DNAH8: variants seen among roughly 807,000 people sequenced by gnomAD.
DNAH8 encodes the protein dynein axonemal heavy chain 8.
A neutral mutation model predicts 562.1 loss-of-function variants in DNAH8; 382 were observed. That is an observed-to-expected ratio of 0.68 (90% CI 0.63 to 0.74). The LOEUF (loss-of-function observed/expected upper bound fraction) is 0.74, where lower values mean the gene tolerates loss of function less well. DNAH8 is among the 30% of genes least tolerant of loss of function. The pLI is 0.00. For synonymous variants in DNAH8, 1,881 were observed against 1,919.4 expected, an observed-to-expected ratio of 0.98 and a Z score of 0.52; for missense variants, 5,203 against 5,620.4, an observed-to-expected ratio of 0.93 and a Z score of 2.37.
chr6:38,979,158 C>T (rs114391929), intron 85 of DNAH8, among the ~76,000 whole-genome samples: 1,657 of 152,320 alleles, frequency 0.011, 13 homozygotes, highest in Non-Finnish European at 0.017. Context: ...TTCTCTCCTC[C>T]TTGTAAAGAC....
At chr6:38,869,213 C>A (rs1777284094) in intron 48 of DNAH8, among the ~76,000 whole-genome samples, 1 of 152,148 alleles carries the variant, frequency 6.6e-6, no homozygotes, top group Admixed American at 6.5e-5. Context: ...GGATGGCTAG[C>A]TTGTTTATTG....
At chr6:39,007,258 G>A (rs905425525) in intron 88 of DNAH8, among the ~76,000 whole-genome samples, 1 of 152,108 alleles carries the variant, frequency 6.6e-6, no homozygotes, top group Non-Finnish European at 1.5e-5. Flanking sequence ...GTGTAGAATT[G>A]CTATATTAAA....
At chr6:38,935,836 C>A in intron 77 of DNAH8, 139 bp downstream of exon 77, 1 of 596,876 alleles carries the variant, frequency 1.7e-6, no homozygotes, top group Non-Finnish European at 2.8e-6. Flanking sequence ...CAATTTCCAT[C>A]TAGACATTAA....
intron 18 of DNAH8, among the ~76,000 whole-genome samples, chr6:38,789,591 A>G (rs1333960849): frequency 1.3e-5 from 2 of 152,210 alleles, no homozygotes; most frequent in Non-Finnish European, 2.9e-5. Flanking sequence ...ATGAAGATGT[A>G]GAAATTGCTA....
intron 62 of DNAH8, 126 bp from the exon 63 acceptor site, chr6:38,906,128 C>T (rs1182258794): frequency 1.0e-5 from 5 of 480,894 alleles, no homozygotes; most frequent in Non-Finnish European, 1.5e-5. Flanking sequence ...AGGATGGTCT[C>T]GATCTCCTGA....
At chr6:38,973,940 T>C in intron 84 of DNAH8, 127 bp downstream of exon 84, 1 of 609,548 alleles carries the variant, frequency 1.6e-6, no homozygotes, top group Non-Finnish European at 2.7e-6. Flanking sequence ...GATCTTATAC[T>C]ATAATACTAT....
intron 8 of DNAH8, among the ~76,000 whole-genome samples, chr6:38,749,978 G>A (rs1307285066): frequency 2.6e-5 from 4 of 152,134 alleles, no homozygotes; most frequent in Admixed American, 6.5e-5. Context: ...GCCTACAGGC[G>A]CCCGCCGCCA....
Position 38,872,875 on chromosome 6 carries a change from A to G in DNAH8, c.7238-31A>G, listed in dbSNP as rs753003361. On this transcript the variant is annotated intron_variant, in intron 50 of 92. Transcript: ENST00000327475. ...TTTCCATTTTAATTACTTGCAAGTGAAAAGTGATTTTCTGTTTTAATTATT... is the reference window on the plus strand; with the variant it reads ...TTTCCATTTTAATTACTTGCAAGTGGAAAGTGATTTTCTGTTTTAATTATT... 1.9e-6 allele frequency: 3 copies of G among 1,608,436 alleles called. No homozygotes were observed. The Admixed American group carries it at 5.1e-5, about 27-fold the overall frequency.
chr6:38,716,218 C>A (rs1284500404), intron 1 of DNAH8, among the ~76,000 whole-genome samples: 2 of 151,392 alleles, frequency 1.3e-5, no homozygotes, highest in Non-Finnish European at 2.9e-5. Flanking sequence ...ACCTCGGCCT[C>A]CCAAAGTGCT....
intron 21 of DNAH8, among the ~76,000 whole-genome samples, chr6:38,800,293 A>G (rs1583038402): frequency 6.6e-6 from 1 of 151,562 alleles, no homozygotes; most frequent in African/African-American, 2.4e-5. Context: ...TCCCAACTCC[A>G]TGTTATACTC....
chr6:38,985,236 A>C (rs984129780), intron 87 of DNAH8, among the ~76,000 whole-genome samples: 8 of 152,230 alleles, frequency 5.3e-5, no homozygotes, highest in Admixed American at 6.5e-5. Flanking sequence ...TGTAATAAAT[A>C]ACACCTACCA....
At position 38,939,594 on chromosome 6, in the gene DNAH8, G is replaced by A. The variant is rs188269884; in HGVS notation, c.12007+606G>A. 1.4e-3 allele frequency among the ~76,000 whole-genome samples: 207 copies of A among 152,328 alleles called. 1 individual carries two copies. Among genetic ancestry groups the A allele is most frequent in the African/African-American group, 4.7e-3 (197 of 41,574 alleles). On this transcript the variant is annotated intron_variant, in intron 79 of 92. Transcript: ENST00000327475. ...TAATTTAAAAATAACTCCAAAGTAA[G>A]GCAGAATCACCTAAGTGCTATAAGA...
At chr6:38,729,726 A>T (rs139315945) in intron 3 of DNAH8, among the ~76,000 whole-genome samples, 176 bp from the exon 4 acceptor site, 2 of 152,340 alleles carry the variant, frequency 1.3e-5, no homozygotes, top group African/African-American at 4.8e-5. Flanking sequence ...TAGGTTCAGA[A>T]ATATAATTCA....
chr6:38,932,487 G>C (rs900523873), intron 76 of DNAH8, among the ~76,000 whole-genome samples: 1 of 151,974 alleles, frequency 6.6e-6, no homozygotes, highest in Non-Finnish European at 1.5e-5. Flanking sequence ...ATAAAACAAA[G>C]AACAACTTAG....
At chr6:38,849,633 A>G (rs891645902) in intron 37 of DNAH8, among the ~76,000 whole-genome samples, 3 of 149,518 alleles carry the variant, frequency 2.0e-5, no homozygotes, top group Non-Finnish European at 4.5e-5. Context: ...TTAAAACATT[A>G]AACTGAAATG....
chr6:38,725,332 A>ATAATAATAATAG (rs2127568362), intron 3 of DNAH8, among the ~76,000 whole-genome samples: 1 of 149,152 alleles, frequency 6.7e-6, no homozygotes, highest in South Asian at 2.1e-4. Flanking sequence ...AATAATAATA[A>ATAATAATAATAG]TAATAAAGAG....
chr6:38,949,194 G>A (rs1056715689), intron 80 of DNAH8, among the ~76,000 whole-genome samples: 6 of 152,144 alleles, frequency 3.9e-5, no homozygotes, highest in Non-Finnish European at 7.3e-5. Context: ...TGTTTCTTCT[G>A]GCCCAATCAT....
Position 38,938,038 on chromosome 6 carries a change from G to T in DNAH8, c.11628G>T (p.Glu3876Asp), listed in dbSNP as rs774173621. 6.2e-7 allele frequency: 1 copy of T among 1,613,934 alleles called. No homozygotes were observed. Among genetic ancestry groups the T allele is most frequent in the Non-Finnish European group, 8.5e-7 (1 of 1,180,020 alleles). Residue 3876 changes from glutamate to aspartate, a missense_variant, in exon 78 of 93, where the codon GAG becomes GAT. Coordinates refer to ENST00000327475, the MANE Select transcript of DNAH8 (RefSeq NM_001206927.2). The stretch of plus-strand genomic sequence containing the variant: ...GAACTACCAAGCAGACAGCAGCTGA[G>T]GTAAGTGAAAAGTTGCATGTGGCTG... ...VLRTTKQTAA[E>D]VSEKLHVAAE...
At chr6:38,860,356 A>G in intron 42 of DNAH8, 101 bp from the exon 43 acceptor site, 1 of 564,400 alleles carries the variant, frequency 1.8e-6, no homozygotes. Context: ...TGTTAATAAG[A>G]ATCAGTTCAT....
Sources: gnomAD v4.1 joint callset for allele counts (sites outside exome capture counted in the v4.1 genomes callset) on GRCh38, gnomAD v4.1.1 for gene constraint, MANE v1.5 for transcripts, NCBI Gene and HGNC (gene_info 2026-07-23, HGNC 2026-07-21) for gene names.